Variants in LMTK3 observed in about 807,000 individuals in gnomAD.
LMTK3 encodes the protein serine/threonine-protein kinase LMTK3.
Under a neutral mutation model 116.7 loss-of-function variants are expected in LMTK3, and 27 were observed. The ratio of observed to expected loss-of-function variants is 0.23; its 90% CI spans 0.17 to 0.32. The LOEUF (loss-of-function observed/expected upper bound fraction) is 0.32. Among genes scored for constraint, LMTK3 ranks in the 10% least tolerant of loss-of-function variants. LMTK3 has a pLI of 1.00. For missense variants in LMTK3, 1,764 were observed against 2,068.5 expected (o/e 0.85, Z 2.86); for synonymous variants, 965 against 971.0 (o/e 0.99, Z 0.11).
intron 5 of LMTK3, among the ~76,000 whole-genome samples, chr19:48,507,812 G>T (rs1351573513): frequency 6.6e-6 from 1 of 152,160 alleles, no homozygotes; most frequent in African/African-American, 2.4e-5. Flanking sequence ...GCCAGTGTTT[G>T]CTGGCACAGG....
intron 14 of LMTK3, among the ~76,000 whole-genome samples, chr19:48,487,300 T>A (rs1304524972): frequency 6.6e-6 from 1 of 152,140 alleles, no homozygotes; most frequent in Non-Finnish European, 1.5e-5. Flanking sequence ...CCCAAAGTAC[T>A]GGGATTACAA....
At chr19:48,492,492 T>C (rs1486102556) in intron 12 of LMTK3, among the ~76,000 whole-genome samples, 2 of 152,136 alleles carry the variant, frequency 1.3e-5, no homozygotes, top group African/African-American at 2.4e-5. Context: ...CAGGCCTAAC[T>C]CTTAACACAT....
rs1247182718 is a variant in LMTK3, at chr19:48,498,067, T to C, written c.3002A>G (p.Asp1001Gly). 7.4e-6 allele frequency: 12 copies of C among 1,612,908 alleles called. No individual in the cohort carries two copies. Among genetic ancestry groups the C allele is most frequent in the Non-Finnish European group, 1.0e-5 (12 of 1,179,736 alleles). Residue 1001 changes from aspartate to glycine, a missense_variant, in exon 11 of 15, where the codon GAC becomes GGC. Physicochemically the swap from Asp to Gly is moderately conservative, Grantham distance 94. Around this residue, in one of 7 missense-constraint regions of LMTK3, gnomAD observed 1,028 missense variants for 1,050.6 expected, o/e 0.98. Coordinates refer to ENST00000600059, the MANE Select transcript of LMTK3 (RefSeq NM_001388485.1). ...NGGLTPPKSE[D>G]KVSENGGLRF... is the part of the protein sequence containing the mutation. ...CAGGCCCCCATTCTCTGACACCTTG[T>C]CCTCGCTCTTTGGGGGTGTCAGGCC...
At chr19:48,487,591 A>C (rs1169777720) in intron 14 of LMTK3, among the ~76,000 whole-genome samples, 1 of 152,072 alleles carries the variant, frequency 6.6e-6, no homozygotes, top group African/African-American at 2.4e-5. Context: ...CACAAAGCAC[A>C]CCTTTTCCCT....
chr19:48,496,292 T>C (rs1320954573), intron 11 of LMTK3, among the ~76,000 whole-genome samples: 1 of 150,284 alleles, frequency 6.7e-6, no homozygotes, highest in Non-Finnish European at 1.5e-5. Context: ...CTTTTTTTCT[T>C]TTTCTTTTCT....
At position 48,509,422 on chromosome 19, in the gene LMTK3, C is replaced by T. The variant is rs1192898198; in HGVS notation, c.438+15G>A. 6.4e-7 allele frequency: 1 copy of T among 1,551,480 alleles called. No individual in the cohort carries two copies. The highest frequency in any genetic ancestry group is 2.4e-5 in the East Asian group (1 of 40,966). On this transcript the variant is annotated intron_variant, in intron 4 of 14. Coordinates refer to ENST00000600059, the MANE Select transcript of LMTK3 (RefSeq NM_001388485.1). ...GGATCCATGGAGCCCTGCCTCCCCT[C>T]CCCAGCCCACTCACCTTCCCAAACC...
chr19:48,510,622 A>C, intron 1 of LMTK3, 30 bp from the exon 2 acceptor site: 1 of 1,516,216 alleles, frequency 6.6e-7, no homozygotes. Flanking sequence ...CTGGGGTCCC[A>C]GCTTCAAGTC....
At chr19:48,499,949 A>G in intron 10 of LMTK3, 32 bp from the exon 11 acceptor site, 1 of 1,547,814 alleles carries the variant, frequency 6.5e-7, no homozygotes, top group Non-Finnish European at 8.7e-7. Context: ...TGAGCAGGGC[A>G]GAGACCCAGG....
chr19:48,491,306 G>C lies in LMTK3; in HGVS notation c.4229-61C>G. On this transcript the variant is annotated intron_variant, in intron 13 of 14. Coordinates refer to ENST00000600059, the MANE Select transcript of LMTK3 (RefSeq NM_001388485.1). This position sits in a 1 kb window ranked among gnomAD's most constrained non-coding sequence, Gnocchi z 5.1. ...ACACCTGCGGCACTCCCGCCCTCTG[G>C]TCCCGCCCCTCCCGACCAAGCCCCT... The C allele has an allele frequency of 1.5e-6, 2 of 1,343,496 alleles. No individual in the cohort carries two copies. Among genetic ancestry groups the C allele is most frequent in the South Asian group, 1.9e-5 (1 of 53,820 alleles). The allele number at this position is 1,343,496 out of a possible 1,614,324, so 83.2% of individuals were successfully genotyped here.
At chr19:48,502,802 A>G in intron 6 of LMTK3, 107 bp downstream of exon 6, 2 of 924,102 alleles carry the variant, frequency 2.2e-6, no homozygotes, top group Non-Finnish European at 3.4e-6. Flanking sequence ...GCCACACATC[A>G]TCTACGATGA....
Position 48,491,410 on chromosome 19 carries a change from C to A in LMTK3, c.4222G>T (p.Gly1408Cys). ...CCATAGGGCCCGTCCTCACCAAAGCCGCTGTCGTTGCTGGGAAACCCATCT... is the reference window on the plus strand; with the variant it reads ...CCATAGGGCCCGTCCTCACCAAAGCAGCTGTCGTTGCTGGGAAACCCATCT... The part of the protein sequence containing the change: ...PGDGFPSNDS[G>C]FGGSFEWAED... Residue 1408 changes from glycine (G) to cysteine (C), a missense_variant, in exon 13 of 15, where the codon GGC becomes TGC. Gly to Cys is a radical substitution (Grantham distance 159). Transcript: ENST00000600059. This position sits in a 1 kb window ranked among gnomAD's most constrained non-coding sequence, Gnocchi z 5.1. 2 of 1,413,386 alleles carry A rather than the reference C, an allele frequency of 1.4e-6. No individual in the cohort carries two copies. Among genetic ancestry groups the A allele is most frequent in the Non-Finnish European group, 1.8e-6 (2 of 1,083,662 alleles). The allele number at this position is 1,413,386 out of a possible 1,614,324, so 87.6% of individuals were successfully genotyped here. A position where few individuals can be genotyped will look rare whatever the true frequency, so the allele number is the denominator to read the frequency against.
chr19:48,497,362 C>A lies in LMTK3; in HGVS notation c.3676+31G>T. 1 of 1,442,196 alleles carries A rather than the reference C, an allele frequency of 6.9e-7. No homozygotes were observed. The highest frequency in any genetic ancestry group is 9.1e-7 in the Non-Finnish European group (1 of 1,094,678). The allele number at this position is 1,442,196 out of a possible 1,614,324, so 89.3% of individuals were successfully genotyped here. On this transcript the variant is annotated intron_variant, in intron 11 of 14. Coordinates refer to ENST00000600059, the MANE Select transcript of LMTK3 (RefSeq NM_001388485.1). This position sits in a 1 kb window ranked among gnomAD's most constrained non-coding sequence, Gnocchi z 5.7. ...GCACGCCTCGGAAACAGCCGGACCT[C>A]AGCCCTGACTGTGCCCCGCAGCCTC... is the stretch of plus-strand genomic sequence containing the variant.
upstream of LMTK3, among the ~76,000 whole-genome samples, chr19:48,512,468 C>A (rs1471094690): frequency 1.3e-5 from 2 of 152,288 alleles, no homozygotes; most frequent in Non-Finnish European, 2.9e-5. Context: ...GTCACAGCCA[C>A]GCAGACAGTC....
chr19:48,512,096 C>A (rs1972674347), upstream of LMTK3, among the ~76,000 whole-genome samples: 1 of 152,096 alleles, frequency 6.6e-6, no homozygotes. Flanking sequence ...CCGGACACCG[C>A]TGTGACATGC....
chr19:48,499,992 A>C, intron 10 of LMTK3, 75 bp from the exon 11 acceptor site: 1 of 1,412,398 alleles, frequency 7.1e-7, no homozygotes, highest in Non-Finnish European at 9.5e-7. Context: ...GGGACAGACA[A>C]CCAGAGAGAG....
At chr19:48,490,309 A>G (rs1452962502) in intron 14 of LMTK3, among the ~76,000 whole-genome samples, 2 of 152,062 alleles carry the variant, frequency 1.3e-5, no homozygotes, top group African/African-American at 4.8e-5. Context: ...GGATCATTCC[A>G]GGTCAGGAGT....
At chr19:48,493,644 T>C (rs1972268500) in intron 12 of LMTK3, 50 bp downstream of exon 12, 1 of 1,438,826 alleles carries the variant, frequency 7.0e-7, no homozygotes, top group East Asian at 3.1e-5. Flanking sequence ...TCTAGGCTCC[T>C]GCTCCCTCCA....
At chr19:48,508,084 C>T (rs1034009539) in intron 5 of LMTK3, among the ~76,000 whole-genome samples, 5 of 151,878 alleles carry the variant, frequency 3.3e-5, no homozygotes, top group African/African-American at 1.2e-4. Flanking sequence ...AATTGGCTTC[C>T]GTGGGGAGGG....
At chr19:48,503,616 C>T (rs1972511895) in intron 5 of LMTK3, among the ~76,000 whole-genome samples, 1 of 152,108 alleles carries the variant, frequency 6.6e-6, no homozygotes, top group South Asian at 2.1e-4. Flanking sequence ...CCCTTTGCCT[C>T]ACCTGCTTTT....
Sources: allele counts gnomAD v4.1 joint callset (sites outside exome capture counted in the v4.1 genomes callset), GRCh38; gene constraint gnomAD v4.1.1; regional missense constraint gnomAD v4.1.1; non-coding constraint Gnocchi (gnomAD v3.1); transcripts MANE v1.5; gene names NCBI Gene and HGNC (gene_info 2026-07-23, HGNC 2026-07-21).